SLC4A5: variants seen among roughly 807,000 people sequenced by gnomAD.
The protein encoded by SLC4A5 is solute carrier family 4 member 5, also known as electrogenic sodium bicarbonate cotransporter 4.
In SLC4A5, 96 loss-of-function variants were observed where a neutral mutation model predicts 120.4. That is an observed-to-expected ratio of 0.80 (90% CI 0.68 to 0.94). The LOEUF is 0.94. SLC4A5 is among the 40% of genes least tolerant of loss of function. The pLI, the probability that SLC4A5 is intolerant of heterozygous loss-of-function variation, is 0.00. For synonymous variants in SLC4A5, 550 were observed against 571.1 expected (o/e 0.96, Z 0.53); for missense variants, 1,259 against 1,459.5 (o/e 0.86, Z 2.24).
At chr2:74,279,637 G>A (rs1671747898) in intron 8 of SLC4A5, among the ~76,000 whole-genome samples, 1 of 152,038 alleles carries the variant, frequency 6.6e-6, no homozygotes, top group Non-Finnish European at 1.5e-5. Context: ...AGACACGGTG[G>A]CCACATGATG....
chr2:74,313,097 C>T (rs1420483060), intron 6 of SLC4A5, among the ~76,000 whole-genome samples: 3 of 142,102 alleles, frequency 2.1e-5, no homozygotes, highest in African/African-American at 8.0e-5. Flanking sequence ...GTTGCCCAGG[C>T]TGGCCTCAAA....
chr2:74,259,067 C>G (rs150085114), intron 12 of SLC4A5, among the ~76,000 whole-genome samples: 2,290 of 152,270 alleles, frequency 0.015, 39 homozygotes, highest in Middle Eastern at 0.058. Flanking sequence ...GGCTGTGGGC[C>G]TTAGAACTGG....
At chr2:74,276,083 G>T (rs3771729) in intron 8 of SLC4A5, among the ~76,000 whole-genome samples, 12,341 of 152,120 alleles carry the variant, frequency 0.081, 1,091 homozygotes, top group East Asian at 0.38. Context: ...GCTAAGCATG[G>T]TTTTTATATA....
rs370345838 is a variant in SLC4A5 at position 74,227,864 on chromosome 2, C to T, written c.2862G>A (p.Pro954=). 43 of 1,608,980 alleles carry T rather than the reference C, an allele frequency of 2.7e-5. No individual in the cohort carries two copies. The highest frequency in any genetic ancestry group is 3.3e-4 in the Middle Eastern group (2 of 6,060). The change falls in exon 26 of 31, where the codon CCG becomes CCA. Residue 954 remains proline (P), a synonymous_variant. Coordinates refer to ENST00000394019, the Ensembl canonical transcript of SLC4A5. ...TGTAGAGGAAGACTCCGTACAGCAC[C>T]GGCAGGGGGATACACTAAAATGAGA... is the stretch of plus-strand genomic sequence containing the variant.
At chr2:74,237,170 G>A (rs545581737) in intron 21 of SLC4A5, among the ~76,000 whole-genome samples, 24 of 152,166 alleles carry the variant, frequency 1.6e-4, no homozygotes, top group African/African-American at 4.6e-4. Context: ...TAGAGACGGG[G>A]ATTCACCATG....
intron 4 of SLC4A5, among the ~76,000 whole-genome samples, chr2:74,330,250 T>TGTCTAGATGGAGGTGATGAG (rs1673321464): frequency 1.5e-5 from 2 of 132,012 alleles, no homozygotes; most frequent in African/African-American, 2.9e-5. Flanking sequence ...GTGATGGTGA[T>TGTCTAGATGGAGGTGATGAG]GTCTAGATGG....
At chr2:74,269,376 TTTTTTGTTTGTTTG>T (rs1558887245) in intron 8 of SLC4A5, among the ~76,000 whole-genome samples, 13 of 127,170 alleles carry the variant, frequency 1.0e-4, no homozygotes, top group African/African-American at 4.4e-4. Flanking sequence ...CGGCTGTTTG[TTTTTTGTTTGTTTG>T]TTTGTTTGTT....
At chr2:74,340,026 G>A (rs893365882) in intron 2 of SLC4A5, among the ~76,000 whole-genome samples, 4 of 152,144 alleles carry the variant, frequency 2.6e-5, no homozygotes, top group Non-Finnish European at 5.9e-5. Flanking sequence ...TGGCTACCAG[G>A]GCCTGGGGCA....
At chr2:74,222,808 T>C (rs913649009) in intron 29 of SLC4A5, 60 bp downstream of exon 29, 4 of 1,427,766 alleles carry the variant, frequency 2.8e-6, no homozygotes, top group South Asian at 1.2e-5. Context: ...TGAAAGTTCC[T>C]AGGGGAAAGA....
intron 5 of SLC4A5, among the ~76,000 whole-genome samples, chr2:74,320,565 G>A (rs1180276717): frequency 2.6e-5 from 4 of 152,142 alleles, no homozygotes; most frequent in Non-Finnish European, 5.9e-5. Flanking sequence ...CAATCAAGTG[G>A]GAGGGTAGAA....
intron 2 of SLC4A5, among the ~76,000 whole-genome samples, chr2:74,342,004 A>G (rs1202012152): frequency 5.9e-5 from 9 of 152,240 alleles, no homozygotes; most frequent in African/African-American, 2.2e-4. Flanking sequence ...AAAACTATAT[A>G]AAATTGCTCA....
At position 74,223,983 on chromosome 2, in the gene SLC4A5, G is replaced by C. The variant is rs112966396; in HGVS notation, c.3246+857C>G. On this transcript the variant is annotated intron_variant, in intron 28 of 30. Transcript: ENST00000394019. ...GAGTTTGGGTCAAATTGGGAGATTGGGAACCAAGCACAGCATTAGGAGATG... is the reference window on the plus strand; with the variant it reads ...GAGTTTGGGTCAAATTGGGAGATTGCGAACCAAGCACAGCATTAGGAGATG... Among the ~76,000 whole-genome samples the C allele has an allele frequency of 5.5e-3, 840 of 152,238 alleles. 6 individuals carry two copies. Among genetic ancestry groups the C allele is most frequent in the Admixed American group, 8.5e-3 (130 of 15,282 alleles).
chr2:74,231,428 T>C (rs893805725), intron 24 of SLC4A5, 120 bp from the exon 25 acceptor site: 3 of 824,802 alleles, frequency 3.6e-6, no homozygotes, highest in East Asian at 5.8e-5. Context: ...TGAGGGCTTC[T>C]GCATGAAGCT....
chr2:74,234,130 CCTA>C (rs1277380661), intron 22 of SLC4A5, among the ~76,000 whole-genome samples: 1 of 151,836 alleles, frequency 6.6e-6, no homozygotes, highest in Admixed American at 6.6e-5. Flanking sequence ...ATCTGGACTC[CCTA>C]CTCTGGTGAG....
intron 6 of SLC4A5, among the ~76,000 whole-genome samples, chr2:74,314,016 G>A (rs1000784293): frequency 4.6e-5 from 7 of 152,140 alleles, no homozygotes; most frequent in African/African-American, 1.7e-4. Flanking sequence ...ACTGGCTTCT[G>A]AAAAGATAGA....
At chr2:74,256,311 G>A (rs983692104) in intron 12 of SLC4A5, among the ~76,000 whole-genome samples, 8 of 152,210 alleles carry the variant, frequency 5.3e-5, no homozygotes, top group African/African-American at 1.9e-4. Flanking sequence ...TTCTACCTCA[G>A]CCACCCAGAC....
intron 7 of SLC4A5, among the ~76,000 whole-genome samples, chr2:74,289,847 C>T (rs1573066756): frequency 2.0e-5 from 3 of 152,010 alleles, no homozygotes; most frequent in Admixed American, 1.3e-4. Flanking sequence ...TTTGATGTAC[C>T]TTGGAGGATG....
chr2:74,317,459 C>A (rs1672996645), intron 5 of SLC4A5, among the ~76,000 whole-genome samples: 1 of 152,086 alleles, frequency 6.6e-6, no homozygotes, highest in African/African-American at 2.4e-5. Context: ...ATAGGGATAT[C>A]TCAAGACCAT....
chr2:74,253,253 A>C lies in SLC4A5; in HGVS notation c.1114-125T>G, dbSNP rs539136953. The stretch of plus-strand genomic sequence containing the variant: ...CATCTCCCACTGCCAACTCACTCTC[A>C]GTTTTTGGAATGAGACTATAGTACA... On this transcript the variant is annotated intron_variant, in intron 14 of 30. Transcript: ENST00000394019. 55 of 1,166,654 alleles carry C rather than the reference A, an allele frequency of 4.7e-5. 1 individual carries two copies. The African/African-American group carries it at 7.8e-4, about 16-fold the overall frequency. The allele number at this position is 1,166,654 out of a possible 1,614,324, so 72.3% of individuals were successfully genotyped here.
Sources: gnomAD v4.1 joint callset for allele counts (sites outside exome capture counted in the v4.1 genomes callset) on GRCh38, gnomAD v4.1.1 for gene constraint, MANE v1.5 for transcripts, NCBI Gene and HGNC (gene_info 2026-07-23, HGNC 2026-07-21) for gene names.